The following PRKN variants were observed in gnomAD, a reference collection of about 807,000 sequenced individuals.
PRKN encodes the protein E3 ubiquitin-protein ligase parkin.
In PRKN, 56 loss-of-function variants were observed where a neutral mutation model predicts 59.5. The observed-to-expected ratio is 0.94, with a 90% confidence interval of 0.76 to 1.18. The LOEUF (loss-of-function observed/expected upper bound fraction) is 1.18. Ranked by LOEUF, PRKN falls within the 50% of genes most tolerant of loss-of-function variation. PRKN has a pLI of 0.00. For missense variants in PRKN, 657 were observed against 596.4 expected, an observed-to-expected ratio of 1.10 and a Z score of -1.06; for synonymous variants, 250 against 222.1, an observed-to-expected ratio of 1.13 and a Z score of -1.12.
intron 7 of PRKN, among the ~76,000 whole-genome samples, chr6:161,658,030 A>AAAAAAAAACAG (rs781518268): frequency 9.5e-6 from 1 of 104,880 alleles, no homozygotes; most frequent in African/African-American, 3.5e-5. Context: ...AAAAAAAAAA[A>AAAAAAAAACAG]AAAAGAAAAG....
chr6:162,591,634 C>T (rs1392557035), intron 1 of PRKN, among the ~76,000 whole-genome samples: 2 of 151,876 alleles, frequency 1.3e-5, no homozygotes, highest in South Asian at 2.1e-4. Context: ...TTTTTTTCCA[C>T]AATCAATACA....
Position 161,362,568 on chromosome 6 carries a change from C to T in PRKN, c.1168-2363G>A, listed in dbSNP as rs560466430. On this transcript the variant is annotated intron_variant, in intron 10 of 11. Transcript: ENST00000366898. The surrounding 1 kb of genome is among the most constrained non-coding windows in gnomAD (Gnocchi z 5.2). The stretch of plus-strand genomic sequence containing the variant: ...ATATGTGCTGGTCTCAGGCTGGGTT[C>T]TGTGAGGCAGCAGGTTTGGAAAACA... Among the ~76,000 whole-genome samples the T allele has an allele frequency of 1.3e-5, 2 of 152,218 alleles. No individual in the cohort carries two copies. Among genetic ancestry groups the T allele is most frequent in the African/African-American group, 2.4e-5 (1 of 41,466 alleles).
At chr6:161,609,941 G>C (rs1199342211) in intron 7 of PRKN, among the ~76,000 whole-genome samples, 1 of 152,158 alleles carries the variant, frequency 6.6e-6, no homozygotes, top group Non-Finnish European at 1.5e-5. Flanking sequence ...CTATGAGACT[G>C]TTCCCCATAG....
intron 1 of PRKN, among the ~76,000 whole-genome samples, chr6:162,485,961 G>A (rs896698684): frequency 6.6e-6 from 1 of 152,106 alleles, no homozygotes; most frequent in African/African-American, 2.4e-5. Flanking sequence ...GATTGTCAGT[G>A]GCTATTAAGT....
chr6:162,353,272 C>T (rs573862573), intron 2 of PRKN, among the ~76,000 whole-genome samples: 8 of 151,708 alleles, frequency 5.3e-5, no homozygotes, highest in Middle Eastern at 3.4e-3. Context: ...TAAGAGTGGA[C>T]GGTTAGCAGA....
At position 161,849,904 on chromosome 6, in the gene PRKN, T is replaced by C. The variant is rs985246686; in HGVS notation, c.735-63996A>G. Among the ~76,000 whole-genome samples the C allele has an allele frequency of 3.8e-4, 58 of 152,098 alleles. 2 individuals carry two copies. Among genetic ancestry groups the C allele is most frequent in the Admixed American group, 3.3e-4 (5 of 15,274 alleles). ...TTATTACCAGCACCCCCTTTTACACTCAGAAGATCCTGGTCTAGATGAAGA... is the reference window on the plus strand; with the variant it reads ...TTATTACCAGCACCCCCTTTTACACCCAGAAGATCCTGGTCTAGATGAAGA... On this transcript the variant is annotated intron_variant, in intron 6 of 11. Coordinates refer to ENST00000366898, the MANE Select transcript of PRKN (RefSeq NM_004562.3).
rs138618590 is a variant in PRKN at position 162,101,056 on chromosome 6, C to A, written c.535-46882G>T. Reference sequence around the variant, plus strand: ...TGTCTCTTCACTCTGCTGATTGTTGCGTGGCTGATACAGAAGTTCTTTAGT... The same window carrying A: ...TGTCTCTTCACTCTGCTGATTGTTGAGTGGCTGATACAGAAGTTCTTTAGT... On this transcript the variant is annotated intron_variant, in intron 4 of 11. Transcript: ENST00000366898. Among the ~76,000 whole-genome samples, 318 of 152,142 alleles carry A rather than the reference C, an allele frequency of 2.1e-3. 1 individual carries two copies. The highest frequency in any genetic ancestry group is 0.013 in the East Asian group (67 of 5,120).
At chr6:161,641,499 A>G (rs1362963239) in intron 7 of PRKN, among the ~76,000 whole-genome samples, 1 of 152,118 alleles carries the variant, frequency 6.6e-6, no homozygotes, top group African/African-American at 2.4e-5. Flanking sequence ...CCACTTTTCA[A>G]CTTCTTACCT....
chr6:162,168,863 T>A (rs1583142023), intron 4 of PRKN, among the ~76,000 whole-genome samples: 2 of 152,194 alleles, frequency 1.3e-5, no homozygotes, highest in South Asian at 4.1e-4. Flanking sequence ...TTGAAAATTA[T>A]ATGCAAAAGA....
At chr6:162,617,448 T>G (rs1331499637) in intron 1 of PRKN, among the ~76,000 whole-genome samples, 1 of 152,182 alleles carries the variant, frequency 6.6e-6, no homozygotes, top group African/African-American at 2.4e-5. Flanking sequence ...GCCAGGCTGG[T>G]CTTGAACTCC....
At chr6:162,043,692 T>G (rs929946927) in intron 5 of PRKN, among the ~76,000 whole-genome samples, 2 of 152,208 alleles carry the variant, frequency 1.3e-5, no homozygotes, top group African/African-American at 4.8e-5. Context: ...GTAACCCATT[T>G]TGTCTCCCCT....
At chr6:161,757,478 A>G (rs1014332010) in intron 7 of PRKN, among the ~76,000 whole-genome samples, 1 of 152,054 alleles carries the variant, frequency 6.6e-6, no homozygotes, top group Non-Finnish European at 1.5e-5. Flanking sequence ...TAATAATAAA[A>G]TATGTGCAAA....
intron 6 of PRKN, among the ~76,000 whole-genome samples, chr6:161,910,247 A>AT (rs888437013): frequency 1.8e-4 from 28 of 151,972 alleles, no homozygotes; most frequent in Non-Finnish European, 3.1e-4. Flanking sequence ...ACAACAGAGG[A>AT]TTTTTTGTTT....
chr6:161,368,382 GATATAT>G (rs34367069), intron 10 of PRKN, among the ~76,000 whole-genome samples: 27 of 99,292 alleles, frequency 2.7e-4, no homozygotes, highest in African/African-American at 1.1e-3. Context: ...CCTCAGTCTT[GATATAT>G]ATATATATAT....
intron 2 of PRKN, among the ~76,000 whole-genome samples, chr6:162,361,048 T>C (rs897732911): frequency 3.9e-5 from 6 of 152,168 alleles, no homozygotes; most frequent in African/African-American, 1.4e-4. Flanking sequence ...ATCAGAAACT[T>C]TGGCATCCCA....
At chr6:162,458,211 G>A (rs1022808159) in intron 1 of PRKN, among the ~76,000 whole-genome samples, 38 of 128,694 alleles carry the variant, frequency 3.0e-4, no homozygotes, top group African/African-American at 1.0e-3. Context: ...AGCCAAGATC[G>A]CTCCACTGCA....
In PRKN at chr6:162,253,279, AAATCT is replaced by A. The variant is rs56965676; in HGVS notation, c.412+9241_412+9245del. 6.4e-3 allele frequency among the ~76,000 whole-genome samples: 961 copies of A among 149,526 alleles called. 8 individuals are homozygous for A. Among genetic ancestry groups the A allele is most frequent in the African/African-American group, 0.018 (730 of 40,302 alleles). On this transcript the variant is annotated intron_variant, in intron 3 of 11. Coordinates refer to ENST00000366898, the MANE Select transcript of PRKN (RefSeq NM_004562.3). ...AGGCATGCTGGTGACAACAGGCAAC[AAATCT>A]AATCTAATCTAATCTAATCTAATCT...
chr6:162,488,106 C>G (rs1306737546), intron 1 of PRKN, among the ~76,000 whole-genome samples: 1 of 130,564 alleles, frequency 7.7e-6, no homozygotes, highest in East Asian at 2.5e-4. Flanking sequence ...TGCAATTTTT[C>G]ACTTGTCCTG....
intron 1 of PRKN, among the ~76,000 whole-genome samples, chr6:162,607,940 C>G (rs1008524102): frequency 6.6e-6 from 1 of 152,168 alleles, no homozygotes; most frequent in African/African-American, 2.4e-5. Flanking sequence ...AGAGATGGGA[C>G]AAGCAGTGCT....
Sources: allele counts gnomAD v4.1 joint callset (sites outside exome capture counted in the v4.1 genomes callset), GRCh38; gene constraint gnomAD v4.1.1; non-coding constraint Gnocchi (gnomAD v3.1); transcripts MANE v1.5; gene names NCBI Gene and HGNC (gene_info 2026-07-23, HGNC 2026-07-21).